The following CDH23 variants were observed in gnomAD, a reference collection of about 807,000 sequenced individuals.
CDH23 encodes the protein cadherin-23.
A neutral mutation model predicts 317.1 loss-of-function variants in CDH23; 189 were observed. The ratio of observed to expected loss-of-function variants is 0.60; its 90% CI spans 0.53 to 0.67. CDH23 has a LOEUF of 0.67. Among genes scored for constraint, CDH23 ranks in the 30% least tolerant of loss-of-function variants. The pLI is 0.00. For missense variants in CDH23, 4,401 were observed against 4,592.4 expected (o/e 0.96, Z 1.20); for synonymous variants, 1,839 against 1,876.8 (o/e 0.98, Z 0.52).
intron 9 of CDH23, among the ~76,000 whole-genome samples, chr10:71,600,476 G>A (rs1035099998): frequency 2.7e-5 from 4 of 150,216 alleles, no homozygotes; most frequent in African/African-American, 4.9e-5. Flanking sequence ...CAGTGAAGAT[G>A]TCTGTTGAGC....
At chr10:71,712,336 C>A (rs1297553947) in intron 27 of CDH23, 1 of 256,234 alleles carries the variant, frequency 3.9e-6, no homozygotes, top group Non-Finnish European at 7.5e-6. Flanking sequence ...TAACATGGGT[C>A]TGTTTTTTTT....
chr10:71,459,912 A>G (rs1850895307), intron 3 of CDH23, among the ~76,000 whole-genome samples: 1 of 152,152 alleles, frequency 6.6e-6, no homozygotes, highest in African/African-American at 2.4e-5. Flanking sequence ...CAGCTCTTGT[A>G]GCTGGTCCTT....
intron 28 of CDH23, chr10:71,714,261 C>G (rs1433576632): frequency 5.3e-5 from 8 of 152,126 alleles, no homozygotes; most frequent in African/African-American, 1.9e-4. Flanking sequence ...CTGTGTTATG[C>G]CAGCTTCCAC....
At chr10:71,628,538 G>A (rs199579627) in intron 11 of CDH23, among the ~76,000 whole-genome samples, 7 of 151,950 alleles carry the variant, frequency 4.6e-5, no homozygotes, top group East Asian at 1.9e-4. Context: ...TTGCTCTGTC[G>A]CCCATGCTGG....
At position 71,712,705 on chromosome 10, in the gene CDH23, C is replaced by G. The variant is rs779296930; in HGVS notation, c.3261C>G (p.Thr1087=). ...GGAAGCGACACACGGGCACAGCCAC[C>G]GTGTTCGTCACTGTCCTGGATGTGA... The part of the protein sequence containing the change: ...PVGKRHTGTA[T]VFVTVLDVND... Residue 1087 remains threonine (T), a synonymous_variant, in exon 28 of 70, where the codon ACC becomes ACG. Coordinates refer to ENST00000224721, the MANE Select transcript of CDH23 (RefSeq NM_022124.6). 6.2e-7 allele frequency: 1 copy of G among 1,613,704 alleles called. No individual in the cohort carries two copies. The highest frequency in any genetic ancestry group is 1.1e-5 in the South Asian group (1 of 91,072).
chr10:71,593,650 CAT>C (rs1160089161), intron 9 of CDH23, among the ~76,000 whole-genome samples: 1 of 152,176 alleles, frequency 6.6e-6, no homozygotes. Context: ...ACAGGATATT[CAT>C]AGAGTGGGAA....
At chr10:71,534,242 A>C (rs1040663335) in intron 6 of CDH23, among the ~76,000 whole-genome samples, 1 of 152,116 alleles carries the variant, frequency 6.6e-6, no homozygotes. Context: ...TCTCGGGCTG[A>C]ATCTGGGTCA....
At chr10:71,750,994 G>T in intron 38 of CDH23, 1 of 455,256 alleles carries the variant, frequency 2.2e-6, no homozygotes. Context: ...TTTGGCATCT[G>T]TAGCTGGTGA....
chr10:71,664,716 G>A (rs1167143095), intron 14 of CDH23, among the ~76,000 whole-genome samples: 1 of 152,222 alleles, frequency 6.6e-6, no homozygotes, highest in Admixed American at 6.5e-5. Flanking sequence ...CCTGAGGTGG[G>A]TGCTCTCATT....
chr10:71,701,462 G>A (rs1178476442), intron 22 of CDH23, among the ~76,000 whole-genome samples: 2 of 152,132 alleles, frequency 1.3e-5, no homozygotes, highest in African/African-American at 4.8e-5. Flanking sequence ...TGACGTGGGG[G>A]TTATAAGTGG....
At chr10:71,594,427 G>A (rs1859706197) in intron 9 of CDH23, among the ~76,000 whole-genome samples, 2 of 151,776 alleles carry the variant, frequency 1.3e-5, no homozygotes, top group Admixed American at 1.3e-4. Flanking sequence ...AGGCTGGAGT[G>A]CAATGGCACA....
chr10:71,805,784 T>G, intron 55 of CDH23, 22 bp from the exon 56 acceptor site: 1 of 1,601,162 alleles, frequency 6.2e-7, no homozygotes, highest in Non-Finnish European at 8.5e-7. Flanking sequence ...TCCAGGAGCC[T>G]TCCTCCCCAT....
intron 30 of CDH23, among the ~76,000 whole-genome samples, chr10:71,730,145 A>T (rs1358893374): frequency 6.6e-6 from 1 of 152,140 alleles, no homozygotes; most frequent in African/African-American, 2.4e-5. Context: ...CCGAATTATT[A>T]TCTTAATATT....
At chr10:71,713,081 C>G in intron 28 of CDH23, 1 of 753,614 alleles carries the variant, frequency 1.3e-6, no homozygotes, top group South Asian at 1.4e-5. Flanking sequence ...GCATATCTCC[C>G]GCCCCACCCA....
intron 6 of CDH23, among the ~76,000 whole-genome samples, chr10:71,518,162 G>A (rs1253481705): frequency 6.6e-6 from 1 of 152,092 alleles, no homozygotes; most frequent in East Asian, 1.9e-4. Flanking sequence ...TGACAACTCT[G>A]TAAGTTAGGG....
At chr10:71,595,666 G>T (rs1482051059) in intron 9 of CDH23, among the ~76,000 whole-genome samples, 2 of 152,146 alleles carry the variant, frequency 1.3e-5, no homozygotes, top group Non-Finnish European at 2.9e-5. Flanking sequence ...TTCCCAAGGG[G>T]CATCCCAAGC....
chr10:71,586,705 ATTC>A (rs1005166221), intron 9 of CDH23, among the ~76,000 whole-genome samples: 1 of 152,128 alleles, frequency 6.6e-6, no homozygotes, highest in Non-Finnish European at 1.5e-5. Context: ...TGAATCCTGC[ATTC>A]TCTTATTCTC....
chr10:71,742,394 G>A (rs1036102337), intron 38 of CDH23, among the ~76,000 whole-genome samples: 1 of 152,230 alleles, frequency 6.6e-6, no homozygotes, highest in African/African-American at 2.4e-5. Context: ...ACACGTCAGG[G>A]TGGGAAGGGA....
chr10:71,659,931 GTTTCTTTTCT>G (rs980694257), intron 14 of CDH23, among the ~76,000 whole-genome samples: 3 of 136,106 alleles, frequency 2.2e-5, no homozygotes, highest in East Asian at 4.2e-4. Flanking sequence ...TGACTCAGCT[GTTTCTTTTCT>G]TTTCTTTTCT....
Sources: allele counts gnomAD v4.1 joint callset (sites outside exome capture counted in the v4.1 genomes callset), GRCh38; gene constraint gnomAD v4.1.1; transcripts MANE v1.5; gene names NCBI Gene and HGNC (gene_info 2026-07-23, HGNC 2026-07-21).